CUL2: variants seen among roughly 807,000 people sequenced by gnomAD.
The protein encoded by CUL2 is cullin-2.
Under a neutral mutation model 110.2 loss-of-function variants are expected in CUL2, and 22 were observed. That is an observed-to-expected ratio of 0.20 (90% CI 0.14 to 0.28). The LOEUF is 0.28. Among genes scored for constraint, CUL2 ranks in the 10% least tolerant of loss-of-function variants. The pLI is 1.00. For synonymous variants in CUL2, 279 were observed against 293.2 expected, an observed-to-expected ratio of 0.95 and a Z score of 0.49; for missense variants, 631 against 905.5, an observed-to-expected ratio of 0.70 and a Z score of 3.89.
chr10:35,066,388 C>T (rs1222137553), intron 2 of CUL2, among the ~76,000 whole-genome samples: 2 of 152,036 alleles, frequency 1.3e-5, no homozygotes, highest in Non-Finnish European at 2.9e-5. Flanking sequence ...CAAACTTCAC[C>T]CTCCGGGTTC....
At position 35,009,149 on chromosome 10, in the gene CUL2, T is replaced by C. The variant is rs1437431174; in HGVS notation, c.*1162A>G. 1.4e-5 allele frequency: 2 copies of C among 147,348 alleles called. No individual in the cohort carries two copies. The highest frequency in any genetic ancestry group is 1.4e-4 in the Admixed American group (2 of 14,478). 9.1% of individuals were successfully genotyped at this position (147,348 alleles called of 1,614,324 possible). The stretch of plus-strand genomic sequence containing the variant: ...TGGTGTGGATAGACAATAAATATGA[T>C]AATAGATCGCAGTACTCTTAACACT... On this transcript the variant is annotated 3_prime_UTR_variant, in exon 21 of 21. Coordinates refer to ENST00000374749, the MANE Select transcript of CUL2 (RefSeq NM_003591.4).
chr10:35,108,762 G>C lies in CUL2; in HGVS notation c.-50-7702C>G, dbSNP rs1024331384. 3.6e-4 allele frequency among the ~76,000 whole-genome samples: 55 copies of C among 152,110 alleles called. 1 individual carries two copies. Among genetic ancestry groups the C allele is most frequent in the Non-Finnish European group, 2.9e-5 (2 of 68,022 alleles). On this transcript the variant is annotated intron_variant, in intron 1 of 5. Transcript: ENST00000685421. ...ATCTGAAGGCTTGACTGTGGTTGGG[G>C]GATCCTGCTACCAAACCCACTTACA... is the stretch of plus-strand genomic sequence containing the variant.
At chr10:35,119,466 T>G (rs577095655) in intron 1 of CUL2, among the ~76,000 whole-genome samples, 4 of 152,236 alleles carry the variant, frequency 2.6e-5, no homozygotes, top group East Asian at 1.9e-4. Context: ...TAATTTTAGC[T>G]CTCTGTGAAA....
chr10:35,013,375 T>C (rs1002034810), intron 19 of CUL2, among the ~76,000 whole-genome samples: 1 of 151,202 alleles, frequency 6.6e-6, no homozygotes, highest in African/African-American at 2.4e-5. Flanking sequence ...ACTGGAGAAC[T>C]TTCCCTTATT....
At chr10:35,046,665 G>A (rs928368152) in intron 6 of CUL2, among the ~76,000 whole-genome samples, 3 of 152,180 alleles carry the variant, frequency 2.0e-5, no homozygotes, top group Non-Finnish European at 2.9e-5. Flanking sequence ...GCTGAGGTGG[G>A]CAGATCATCT....
chr10:35,020,623 TTCTC>T (rs993061481), intron 17 of CUL2, among the ~76,000 whole-genome samples: 1 of 152,188 alleles, frequency 6.6e-6, no homozygotes, highest in African/African-American at 2.4e-5. Flanking sequence ...AGTTCATCAT[TTCTC>T]AACGTGTCTT....
chr10:35,018,042 G>C (rs1159011699), intron 17 of CUL2, among the ~76,000 whole-genome samples: 2 of 151,080 alleles, frequency 1.3e-5, no homozygotes, highest in Non-Finnish European at 2.9e-5. Flanking sequence ...TGTAATCCCA[G>C]CATTTTGGGA....
upstream of CUL2, among the ~76,000 whole-genome samples, chr10:35,092,714 T>TA (rs2087230367): frequency 6.6e-6 from 1 of 152,242 alleles, no homozygotes; most frequent in South Asian, 2.1e-4. Context: ...TTCCTGGGCA[T>TA]AGGCCAACTT....
At chr10:35,094,765 G>A (rs149298332), upstream of CUL2, among the ~76,000 whole-genome samples, 19 of 152,060 alleles carry the variant, frequency 1.2e-4, no homozygotes, top group East Asian at 3.3e-3. Context: ...AATAATATTC[G>A]TAAAATAGTT....
intron 2 of CUL2, chr10:35,063,866 T>G (rs777617885): frequency 6.6e-6 from 1 of 152,014 alleles, no homozygotes; most frequent in African/African-American, 2.4e-5. Flanking sequence ...AAAGCCCATT[T>G]ATAACTTTGG....
intron 14 of CUL2, 48 bp from the exon 15 acceptor site, chr10:35,029,688 A>G (rs2085433909): frequency 7.3e-7 from 1 of 1,378,940 alleles, no homozygotes; most frequent in Non-Finnish European, 9.9e-7. Context: ...AAAAATAATA[A>G]GTCATATTGG....
intron 15 of CUL2, 112 bp downstream of exon 15, chr10:35,029,376 A>C: frequency 1.3e-6 from 1 of 759,272 alleles, no homozygotes; most frequent in Non-Finnish European, 1.9e-6. Context: ...AGGACTTTAG[A>C]AGCCACAATC....
At position 35,016,207 on chromosome 10, in the gene CUL2, G is replaced by T; in HGVS notation, c.1872C>A (p.Asn624Lys). The stretch of plus-strand genomic sequence containing the variant: ...TACTACATACCTTTTCTGAATCATG[G>T]TTAATCATTTTCACATCAAGTAATG... ...IKSLLDVKMINHDSEKEDIDA... is the reference protein window; with the variant it reads ...IKSLLDVKMIKHDSEKEDIDA... The change falls in exon 18 of 21, where the codon AAC becomes AAA. Residue 624 changes from asparagine to lysine, a missense_variant. This residue lies in a region of CUL2 where 159 missense variants were observed against 202.7 expected (regional missense o/e 0.78). Transcript: ENST00000374749. 1 of 1,612,698 alleles carries T rather than the reference G, an allele frequency of 6.2e-7. No homozygotes were observed. The highest frequency in any genetic ancestry group is 8.5e-7 in the Non-Finnish European group (1 of 1,178,968).
At chr10:35,039,114 C>A (rs2134765242) in intron 8 of CUL2, 32 bp from the exon 9 acceptor site, 1 of 1,414,494 alleles carries the variant, frequency 7.1e-7, no homozygotes. Context: ...GTCATGAACA[C>A]AAAGTTTTAC....
chr10:35,075,884 G>A (rs2086807048), intron 1 of CUL2, among the ~76,000 whole-genome samples: 1 of 151,908 alleles, frequency 6.6e-6, no homozygotes, highest in Non-Finnish European at 1.5e-5. Context: ...ATTATAAAAC[G>A]CAGCTACCAT....
At chr10:35,032,645 T>C (rs955669151) in intron 11 of CUL2, 151 bp from the exon 12 acceptor site, 1 of 542,756 alleles carries the variant, frequency 1.8e-6, no homozygotes, top group Non-Finnish European at 3.2e-6. Flanking sequence ...ATGCCTAACA[T>C]GGTAGACTCC....
chr10:35,031,333 C>A lies in CUL2; in HGVS notation c.1353G>T (p.Met451Ile). 1 of 1,606,540 alleles carries A rather than the reference C, an allele frequency of 6.2e-7. No homozygotes were observed. ...TGTTGATCATGGCTTCTTCAGAGTC[C>A]ATAGACATGGATAACCCATGAATTA... is the stretch of plus-strand genomic sequence containing the variant. ...KRLIHGLSMS[M>I]DSEEAMINKL... is the part of the protein sequence containing the mutation. The change falls in exon 14 of 21, where the codon ATG (methionine) becomes ATT (isoleucine). Residue 451 changes from methionine (M) to isoleucine (I), a missense_variant. This residue lies in a region of CUL2 where 134 missense variants were observed against 260.4 expected (regional missense o/e 0.51). Coordinates refer to ENST00000374749, the MANE Select transcript of CUL2 (RefSeq NM_003591.4). This position sits in a 1 kb window ranked among gnomAD's most constrained non-coding sequence, Gnocchi z 4.4.
At chr10:35,077,337 A>C (rs1195730578) in intron 1 of CUL2, among the ~76,000 whole-genome samples, 1 of 151,192 alleles carries the variant, frequency 6.6e-6, no homozygotes, top group Non-Finnish European at 1.5e-5. Context: ...AAACAAAAAA[A>C]ACAAACAAAA....
chr10:35,074,125 C>A (rs878984980), intron 1 of CUL2: 1 of 1,454,798 alleles, frequency 6.9e-7, no homozygotes, highest in South Asian at 1.2e-5. Flanking sequence ...GTGGACAAAA[C>A]AAAGTTCTTG....
Sources: gnomAD v4.1 joint callset for allele counts (sites outside exome capture counted in the v4.1 genomes callset) on GRCh38, gnomAD v4.1.1 for gene constraint, gnomAD v4.1.1 regional missense constraint, Gnocchi (gnomAD v3.1) non-coding constraint, MANE v1.5 for transcripts, NCBI Gene and HGNC (gene_info 2026-07-23, HGNC 2026-07-21) for gene names.